IQCM: variants seen among roughly 807,000 people sequenced by gnomAD.
IQCM encodes IQ domain-containing protein M.
A neutral mutation model predicts 57.6 loss-of-function variants in IQCM; 45 were observed. The ratio of observed to expected loss-of-function variants is 0.78; its 90% confidence interval spans 0.62 to 1.00. IQCM has a LOEUF of 1.00. Among genes scored for constraint, IQCM ranks in the 50% least tolerant of loss-of-function variants. The pLI is 0.00. For missense variants in IQCM, 468 were observed against 511.6 expected, an observed-to-expected ratio of 0.91 and a Z score of 0.82; for synonymous variants, 148 against 158.9, an observed-to-expected ratio of 0.93 and a Z score of 0.51.
intron 2 of IQCM, among the ~76,000 whole-genome samples, chr4:149,814,684 A>T (rs1334324493): frequency 1.3e-5 from 2 of 151,992 alleles, no homozygotes; most frequent in Non-Finnish European, 2.9e-5. Context: ...GACAGTTAAG[A>T]TTAATTAACA....
chr4:149,552,116 T>G (rs956718982), intron 11 of IQCM, among the ~76,000 whole-genome samples: 6 of 152,192 alleles, frequency 3.9e-5, no homozygotes, highest in African/African-American at 4.8e-5. Flanking sequence ...CTATTCTAAC[T>G]CAAAGAGTTC....
At chr4:149,661,536 T>C (rs1342887657) in intron 7 of IQCM, among the ~76,000 whole-genome samples, 1 of 152,150 alleles carries the variant, frequency 6.6e-6, no homozygotes, top group Non-Finnish European at 1.5e-5. Context: ...GTTTTAGTTC[T>C]TTTTTAAATA....
intron 7 of IQCM, among the ~76,000 whole-genome samples, chr4:149,661,309 A>T (rs1471088445): frequency 3.3e-5 from 5 of 152,170 alleles, no homozygotes; most frequent in Non-Finnish European, 7.4e-5. Flanking sequence ...GATAAATCCC[A>T]CTTGATCCTA....
chr4:149,452,330 A>G (rs1442110584), intron 12 of IQCM, among the ~76,000 whole-genome samples: 5 of 151,518 alleles, frequency 3.3e-5, no homozygotes, highest in African/African-American at 1.2e-4. Flanking sequence ...ATTTGTAGAA[A>G]TTGACAAGAT....
At chr4:149,536,534 A>G (rs1315810741) in intron 12 of IQCM, among the ~76,000 whole-genome samples, 1 of 152,012 alleles carries the variant, frequency 6.6e-6, no homozygotes, top group Non-Finnish European at 1.5e-5. Flanking sequence ...GGAACATATA[A>G]TTAATACTAT....
At chr4:149,476,140 G>T (rs1740162912) in intron 12 of IQCM, among the ~76,000 whole-genome samples, 1 of 152,062 alleles carries the variant, frequency 6.6e-6, no homozygotes, top group Non-Finnish European at 1.5e-5. Flanking sequence ...GAAAGATAGG[G>T]CTGAATCTAG....
At chr4:149,426,224 A>G (rs1334274220) in intron 13 of IQCM, among the ~76,000 whole-genome samples, 2 of 152,032 alleles carry the variant, frequency 1.3e-5, no homozygotes, top group Non-Finnish European at 1.5e-5. Context: ...CTTAGTAAAC[A>G]CACTTCTGAA....
At chr4:149,437,039 G>T (rs889619223) in intron 12 of IQCM, among the ~76,000 whole-genome samples, 7 of 152,230 alleles carry the variant, frequency 4.6e-5, no homozygotes, top group African/African-American at 1.7e-4. Flanking sequence ...GCATAGGGAG[G>T]TTACAGGGCA....
chr4:149,813,496 G>T (rs1020702185), intron 2 of IQCM, among the ~76,000 whole-genome samples: 2 of 151,964 alleles, frequency 1.3e-5, no homozygotes, highest in African/African-American at 4.8e-5. Context: ...GAAAAGCCAA[G>T]AATTAACTAG....
At chr4:149,728,223 G>T (rs1411692958) in intron 5 of IQCM, among the ~76,000 whole-genome samples, 1 of 152,134 alleles carries the variant, frequency 6.6e-6, no homozygotes, top group African/African-American at 2.4e-5. Flanking sequence ...TTTTGCAATT[G>T]CCTCAAACTT....
chr4:149,782,625 T>C (rs1338815610), intron 2 of IQCM, among the ~76,000 whole-genome samples: 3 of 128,610 alleles, frequency 2.3e-5, no homozygotes, highest in East Asian at 2.2e-4. Context: ...AAAGTGGGGG[T>C]GGGTGTGGGG....
At chr4:149,768,368 A>C (rs1040546155) in intron 2 of IQCM, among the ~76,000 whole-genome samples, 1 of 152,132 alleles carries the variant, frequency 6.6e-6, no homozygotes, top group Admixed American at 6.6e-5. Context: ...TAGGTAGATC[A>C]CTTATAATGA....
At position 149,719,344 on chromosome 4, in the gene IQCM, TA is replaced by T. The variant is rs763244074; in HGVS notation, c.385+13899del. ...GGGCAACAGGAACAAAAGTCAGTCT[TA>T]AAAAAAAAAAAAAGAAAAAAGAAAA... On this transcript the variant is annotated intron_variant, in intron 5 of 13. Coordinates refer to ENST00000636793, the MANE Select transcript of IQCM (RefSeq NM_001363507.2). Among the ~76,000 whole-genome samples the T allele has an allele frequency of 8.4e-3, 1,037 of 124,104 alleles. 2 individuals are homozygous for T. Among genetic ancestry groups the T allele is most frequent in the Non-Finnish European group, 9.3e-3 (538 of 57,858 alleles). The allele number at this position is 124,104 out of a possible 152,430, so 81.4% of individuals were successfully genotyped here.
At chr4:149,357,862 A>G (rs142220146) in intron 13 of IQCM, among the ~76,000 whole-genome samples, 27,319 of 152,128 alleles carry the variant, frequency 0.18, 2,984 homozygotes, top group Non-Finnish European at 0.25. Flanking sequence ...TCGGCTGTGA[A>G]TCCATCTGGT....
chr4:149,482,549 T>G (rs1741024656), intron 12 of IQCM, among the ~76,000 whole-genome samples: 1 of 151,960 alleles, frequency 6.6e-6, no homozygotes, highest in African/African-American at 2.4e-5. Context: ...TATGGTTTTG[T>G]CCTTCATTTT....
In IQCM at chr4:149,560,518, C is replaced by A. The variant is rs539208906; in HGVS notation, c.948+3174G>T. Among the ~76,000 whole-genome samples the A allele has an allele frequency of 5.9e-5, 9 of 152,216 alleles. No individual in the cohort carries two copies. The South Asian group carries it at 1.7e-3, about 28-fold the overall frequency. On this transcript the variant is annotated intron_variant, in intron 10 of 13. Transcript: ENST00000636793. ...GAAGCATTACATCGAGGGACATACC[C>A]TGTTTTGTGTCTTTATAATTTTTAA...
chr4:149,514,455 G>T (rs1391630529), intron 12 of IQCM: 1 of 152,128 alleles, frequency 6.6e-6, no homozygotes, highest in Admixed American at 6.5e-5. Flanking sequence ...ACAGAAACTT[G>T]TATCAGGCAG....
At chr4:149,730,474 G>A (rs1206165836) in intron 5 of IQCM, among the ~76,000 whole-genome samples, 3 of 152,080 alleles carry the variant, frequency 2.0e-5, no homozygotes, top group Non-Finnish European at 4.4e-5. Context: ...ATTCAGTGTT[G>A]TTCAGTATCT....
chr4:149,633,136 C>G (rs1757428128), intron 7 of IQCM, among the ~76,000 whole-genome samples: 1 of 137,942 alleles, frequency 7.2e-6, no homozygotes. Flanking sequence ...AGTCCGCAGT[C>G]CAGCCTGGGC....
Sources: allele counts gnomAD v4.1 joint callset (sites outside exome capture counted in the v4.1 genomes callset), GRCh38; gene constraint gnomAD v4.1.1; transcripts MANE v1.5; gene names NCBI Gene and HGNC (gene_info 2026-07-23, HGNC 2026-07-21).